Variants in LMNB1 observed in about 807,000 individuals in gnomAD.
The protein encoded by LMNB1 is lamin-B1.
In LMNB1, 23 loss-of-function variants were observed where a neutral mutation model predicts 67.1. The ratio of observed to expected loss-of-function variants is 0.34; its 90% CI spans 0.25 to 0.49. The LOEUF is 0.49. Ranked by LOEUF, LMNB1 falls within the 20% of genes least tolerant of loss-of-function variation. The probability of loss-of-function intolerance (pLI) is 0.99; values close to 1 mark genes in which losing one functional copy is unlikely to be tolerated. For missense variants in LMNB1, 634 were observed against 746.5 expected (o/e 0.85, Z 1.76); for synonymous variants, 281 against 282.9 (o/e 0.99, Z 0.07).
chr5:126,777,425 C>T lies in LMNB1; in HGVS notation c.-84C>T, dbSNP rs2112911453. ...AGCGCAGGTCGCCGGTTTGTGCCTT[C>T]GGTCCCCGCTTCGCCCCCTGCCGTC... On this transcript the variant is annotated 5_prime_UTR_variant, in exon 1 of 11. Coordinates refer to ENST00000261366, the MANE Select transcript of LMNB1 (RefSeq NM_005573.4). 3 of 1,248,506 alleles carry T rather than the reference C, an allele frequency of 2.4e-6. No homozygotes were observed. Among genetic ancestry groups the T allele is most frequent in the East Asian group, 6.6e-5 (2 of 30,420 alleles). The allele number at this position is 1,248,506 out of a possible 1,614,324, so 77.3% of individuals were successfully genotyped here. A position where few individuals can be genotyped will look rare whatever the true frequency, so the allele number is the denominator to read the frequency against.
intron 5 of LMNB1, among the ~76,000 whole-genome samples, chr5:126,812,742 T>TTC (rs1751610289): frequency 9.7e-6 from 1 of 102,794 alleles, no homozygotes; most frequent in Admixed American, 9.9e-5. Context: ...TTTTTTTTTT[T>TTC]CTTTTTGAGA....
chr5:126,781,527 C>T (rs1750633127), intron 1 of LMNB1, among the ~76,000 whole-genome samples: 1 of 151,926 alleles, frequency 6.6e-6, no homozygotes, highest in African/African-American at 2.4e-5. Flanking sequence ...ACCTCCGCCT[C>T]CCAGGTTCAA....
intron 1 of LMNB1, among the ~76,000 whole-genome samples, chr5:126,782,186 C>A (rs1229061583): frequency 6.6e-6 from 1 of 152,304 alleles, no homozygotes; most frequent in South Asian, 2.1e-4. Context: ...CATCAGTCTT[C>A]AATAACTGAT....
rs150314417 is a variant in LMNB1, at chr5:126,801,804, A to C, written c.360-2972A>C. On this transcript the variant is annotated intron_variant, in intron 1 of 10. Coordinates refer to ENST00000261366, the MANE Select transcript of LMNB1 (RefSeq NM_005573.4). ...CCTGCCATGAGGCAGGATCACATTG[A>C]GAAGTACCACATTATGACCTGAGCT... Among the ~76,000 whole-genome samples, 93 of 152,366 alleles carry C rather than the reference A, an allele frequency of 6.1e-4. 2 individuals carry two copies. Among genetic ancestry groups the C allele is most frequent in the African/African-American group, 2.1e-3 (88 of 41,588 alleles).
intron 1 of LMNB1, among the ~76,000 whole-genome samples, chr5:126,799,952 G>T (rs887880485): frequency 1.3e-5 from 2 of 152,198 alleles, no homozygotes; most frequent in Non-Finnish European, 2.9e-5. Flanking sequence ...CCACCTGCTT[G>T]TGAAGGCTGT....
chr5:126,800,967 A>AAT (rs1751261069), intron 1 of LMNB1, among the ~76,000 whole-genome samples: 8 of 75,182 alleles, frequency 1.1e-4, no homozygotes, highest in African/African-American at 3.1e-4. Context: ...ATATATATAT[A>AAT]TATATATATA....
Position 126,777,961 on chromosome 5 carries a change from A to C in LMNB1, c.359+94A>C. On this transcript the variant is annotated intron_variant, in intron 1 of 10. Transcript: ENST00000261366. ...CCGGGTTCTGCCGTGGGGAGGGAGC[A>C]GAGGCCAGGATGCACGCGTCCTTCT... 3.3e-6 allele frequency: 4 copies of C among 1,204,498 alleles called. No homozygotes were observed. In the South Asian group the frequency reaches 5.4e-5, roughly 16 times the overall value. 74.6% of individuals were successfully genotyped at this position (1,204,498 alleles called of 1,614,324 possible). A position where few individuals can be genotyped will look rare whatever the true frequency, so the allele number is the denominator to read the frequency against.
At chr5:126,802,484 C>G (rs1751308618) in intron 1 of LMNB1, among the ~76,000 whole-genome samples, 1 of 152,204 alleles carries the variant, frequency 6.6e-6, no homozygotes, top group Admixed American at 6.5e-5. Context: ...CACTCTGTCA[C>G]CCAGGCTGGA....
chr5:126,792,721 C>CA (rs994774265), intron 1 of LMNB1, among the ~76,000 whole-genome samples: 5 of 151,990 alleles, frequency 3.3e-5, no homozygotes, highest in Non-Finnish European at 7.4e-5. Context: ...GGATTACAGG[C>CA]ATGTGCCACC....
intron 1 of LMNB1, among the ~76,000 whole-genome samples, chr5:126,799,272 A>G (rs149366965): frequency 0.078 from 11,845 of 152,256 alleles, 539 homozygotes; most frequent in Non-Finnish European, 0.11. Flanking sequence ...CCTGCCTCCC[A>G]AACTGCTGGG....
intron 1 of LMNB1, among the ~76,000 whole-genome samples, chr5:126,778,653 A>C (rs1225330139): frequency 6.6e-6 from 1 of 152,122 alleles, no homozygotes; most frequent in Non-Finnish European, 1.5e-5. Flanking sequence ...GGGTTTGTGC[A>C]TGTCACGGCT....
At chr5:126,805,517 A>C (rs1290596471) in intron 2 of LMNB1, 54 bp from the exon 3 acceptor site, 1 of 1,262,230 alleles carries the variant, frequency 7.9e-7, no homozygotes, top group African/African-American at 1.5e-5. Flanking sequence ...TCTTATGTTC[A>C]TTATTAAATG....
chr5:126,813,900 T>G (rs1334504235), intron 5 of LMNB1, among the ~76,000 whole-genome samples: 2 of 152,156 alleles, frequency 1.3e-5, no homozygotes, highest in Non-Finnish European at 2.9e-5. Flanking sequence ...TTCTTGTTGT[T>G]TTTTTTTCTT....
intron 3 of LMNB1, among the ~76,000 whole-genome samples, chr5:126,807,742 A>G (rs1051713516): frequency 6.6e-6 from 1 of 152,224 alleles, no homozygotes; most frequent in African/African-American, 2.4e-5. Context: ...CACTGGTTCT[A>G]TATAAAAAAT....
At chr5:126,778,213 G>GC (rs988229383) in intron 1 of LMNB1, among the ~76,000 whole-genome samples, 2 of 152,084 alleles carry the variant, frequency 1.3e-5, no homozygotes, top group African/African-American at 4.8e-5. Context: ...GGCCCCTCAG[G>GC]CCCCAGGTGC....
At chr5:126,819,978 C>A (rs1751819970) in intron 6 of LMNB1, among the ~76,000 whole-genome samples, 1 of 151,912 alleles carries the variant, frequency 6.6e-6, no homozygotes, top group Non-Finnish European at 1.5e-5. Flanking sequence ...AACTCCGTCT[C>A]TAATGAAAAT....
At chr5:126,835,454 CA>C (rs1277841703) in intron 10 of LMNB1, among the ~76,000 whole-genome samples, 24 of 152,266 alleles carry the variant, frequency 1.6e-4, no homozygotes, top group Non-Finnish European at 2.8e-4. Context: ...CCTTGGAGGA[CA>C]AATCCACTGC....
chr5:126,803,911 T>G (rs868140860), intron 1 of LMNB1, among the ~76,000 whole-genome samples: 1 of 152,166 alleles, frequency 6.6e-6, no homozygotes, highest in Non-Finnish European at 1.5e-5. Flanking sequence ...TGCAAAATAT[T>G]AGGGAGGCCG....
At chr5:126,816,976 G>A (rs1327275761) in intron 5 of LMNB1, among the ~76,000 whole-genome samples, 1 of 152,184 alleles carries the variant, frequency 6.6e-6, no homozygotes, top group Non-Finnish European at 1.5e-5. Flanking sequence ...CTACCCTCAA[G>A]GGTGAAGGAC....
Sources: gnomAD v4.1 joint callset for allele counts (sites outside exome capture counted in the v4.1 genomes callset) on GRCh38, gnomAD v4.1.1 for gene constraint, MANE v1.5 for transcripts, NCBI Gene and HGNC (gene_info 2026-07-23, HGNC 2026-07-21) for gene names.